SOAT2: variants seen among roughly 807,000 people sequenced by gnomAD.
SOAT2 encodes sterol O-acyltransferase 2, also known as ACAT-2.
SOAT2 carries 87 observed loss-of-function variants against 76.0 expected under a neutral mutation model. The observed-to-expected ratio is 1.14, with a 90% CI of 0.96 to 1.37. The LOEUF (loss-of-function observed/expected upper bound fraction) is 1.37, where lower values mean the gene tolerates loss of function less well. Ranked by LOEUF, SOAT2 falls within the 40% of genes most tolerant of loss-of-function variation. The pLI is 0.00. For missense variants in SOAT2, 686 were observed against 682.1 expected, an observed-to-expected ratio of 1.01 and a Z score of -0.06; for synonymous variants, 285 against 275.4, an observed-to-expected ratio of 1.03 and a Z score of -0.34.
Position 53,115,409 on chromosome 12 carries a change from C to T in SOAT2, c.463C>T (p.Leu155=). 6.2e-7 allele frequency: 1 copy of T among 1,608,956 alleles called. No individual in the cohort carries two copies. Among genetic ancestry groups the T allele is most frequent in the Non-Finnish European group, 8.5e-7 (1 of 1,177,836 alleles). ...DEGRLLLEFD[L]LIFSFGQLPL... is the part of the protein sequence containing the mutation. ...TCCAAGGCTGCTGCTGGAGTTTGAC[C>T]TACTGATCTTCAGCTTCGGACAGCT... Residue 155 remains leucine, a synonymous_variant, in exon 6 of 15, where the codon CTA becomes TTA. Coordinates refer to ENST00000301466, the MANE Select transcript of SOAT2 (RefSeq NM_003578.4).
intron 5 of SOAT2, among the ~76,000 whole-genome samples, chr12:53,112,284 C>A (rs182987693): frequency 3.2e-4 from 49 of 152,172 alleles, no homozygotes; most frequent in African/African-American, 1.2e-3. Context: ...TGGTGGCTCA[C>A]GCCTGTAATC....
chr12:53,105,700 C>T (rs1937924100), intron 4 of SOAT2, 80 bp downstream of exon 4: 7 of 1,289,472 alleles, frequency 5.4e-6, no homozygotes, highest in Non-Finnish European at 5.3e-6. Flanking sequence ...TTCTCATCCC[C>T]AGCCTCTAGG....
intron 6 of SOAT2, among the ~76,000 whole-genome samples, chr12:53,115,874 G>A (rs373713472): frequency 4.6e-5 from 7 of 152,238 alleles, no homozygotes; most frequent in African/African-American, 1.4e-4. Context: ...CATCACAGGA[G>A]GTTGACCGGA....
chr12:53,120,221 GCACTT>G (rs1478025084), intron 10 of SOAT2, among the ~76,000 whole-genome samples: 3 of 152,080 alleles, frequency 2.0e-5, no homozygotes, highest in African/African-American at 7.2e-5. Context: ...TGTAATCCCA[GCACTT>G]TGGGAGGCTA....
rs1437059887 is a variant in SOAT2 at position 53,124,532 on chromosome 12, T to G, written c.*409T>G. 7.2e-6 allele frequency: 1 copy of G among 138,700 alleles called. No individual in the cohort carries two copies. Among genetic ancestry groups the G allele is most frequent in the Non-Finnish European group, 1.4e-5 (1 of 72,526 alleles). The allele number at this position is 138,700 out of a possible 1,614,324, so 8.6% of individuals were successfully genotyped here. On this transcript the variant is annotated 3_prime_UTR_variant, in exon 15 of 15. Transcript: ENST00000301466. ...GCAATAAACTTTGTCTCCCTTTTTA[T>G]TCATTCATTCATTCATTCATTCATT...
chr12:53,120,957 C>G, intron 11 of SOAT2, 74 bp downstream of exon 11: 4 of 1,139,478 alleles, frequency 3.5e-6, no homozygotes, highest in Non-Finnish European at 5.3e-6. Context: ...AAGATGGTAG[C>G]CAGGTTGGGT....
intron 5 of SOAT2, among the ~76,000 whole-genome samples, chr12:53,111,442 C>A (rs1938011539): frequency 6.6e-6 from 1 of 152,158 alleles, no homozygotes. Flanking sequence ...TGATAACAGT[C>A]CTTTCCCAGA....
At position 53,120,807 on chromosome 12, in the gene SOAT2, T is replaced by C. The variant is rs922574680; in HGVS notation, c.1061T>C (p.Ile354Thr). The C allele has an allele frequency of 1.1e-5, 18 of 1,613,878 alleles. No individual in the cohort carries two copies. The highest frequency in any genetic ancestry group is 1.5e-5 in the Non-Finnish European group (18 of 1,179,930). The change falls in exon 11 of 15, where the codon ATC becomes ACC. Residue 354 changes from isoleucine (I) to threonine (T), a missense_variant. Ile to Thr is a moderately conservative substitution (Grantham distance 89). Transcript: ENST00000301466. ...TLPGIFMLLL[I>T]FFAFLHCWLN... The stretch of plus-strand genomic sequence containing the variant: ...CCAGGCATCTTCATGCTGCTGCTCA[T>C]CTTCTTTGCCTTCCTCCATTGCTGG...
Position 53,120,812 on chromosome 12 carries a change from T to G in SOAT2, c.1066T>G (p.Phe356Val). 1.9e-6 allele frequency: 3 copies of G among 1,614,004 alleles called. No homozygotes were observed. Among genetic ancestry groups the G allele is most frequent in the Non-Finnish European group, 8.5e-7 (1 of 1,179,930 alleles). The change falls in exon 11 of 15, where the codon TTT becomes GTT. Residue 356 changes from phenylalanine to valine, a missense_variant. Coordinates refer to ENST00000301466, the MANE Select transcript of SOAT2 (RefSeq NM_003578.4). ...PGIFMLLLIF[F>V]AFLHCWLNAF... ...CATCTTCATGCTGCTGCTCATCTTC[T>G]TTGCCTTCCTCCATTGCTGGCTCAA...
In SOAT2 at chr12:53,105,102, C is replaced by G; in HGVS notation, c.139-5C>G. Reference sequence around the variant, plus strand: ...AGTGGGCTCTACCCTGGCTTTGTCCCGTAGGCTGTGAAGGCACAATTGCTG... The same window carrying G: ...AGTGGGCTCTACCCTGGCTTTGTCCGGTAGGCTGTGAAGGCACAATTGCTG... On this transcript the variant is annotated splice_polypyrimidine_tract_variant and splice_region_variant and intron_variant, in intron 2 of 14. Coordinates refer to ENST00000301466, the MANE Select transcript of SOAT2 (RefSeq NM_003578.4). 2 of 1,555,308 alleles carry G rather than the reference C, an allele frequency of 1.3e-6. No individual in the cohort carries two copies. Among genetic ancestry groups the G allele is most frequent in the South Asian group, 1.2e-5 (1 of 84,266 alleles).
At position 53,111,112 on chromosome 12, in the gene SOAT2, A is replaced by ATTTT. The variant is rs1015051525; in HGVS notation, c.444-4270_444-4267dup. Among the ~76,000 whole-genome samples the ATTTT allele has an allele frequency of 2.1e-5, 3 of 143,280 alleles. 1 individual carries two copies. The highest frequency in any genetic ancestry group is 1.5e-5 in the Non-Finnish European group (1 of 65,980). The allele number at this position is 143,280 out of a possible 152,430, so 94.0% of individuals were successfully genotyped here. A position where few individuals can be genotyped will look rare whatever the true frequency, so the allele number is the denominator to read the frequency against. On this transcript the variant is annotated intron_variant, in intron 5 of 14. Transcript: ENST00000301466. ...TTATTTATTTTAATCATTTGCCTACATTTTTTTTTTTGAGATGGAGTCTCA... is the reference window on the plus strand; with the variant it reads ...TTATTTATTTTAATCATTTGCCTACATTTTTTTTTTTTTTTGAGATGGAGTCTCA...
chr12:53,106,881 T>C (rs940036599), intron 5 of SOAT2, among the ~76,000 whole-genome samples: 5 of 152,230 alleles, frequency 3.3e-5, no homozygotes, highest in Admixed American at 3.3e-4. Flanking sequence ...GTCCAAGTGC[T>C]GGGGTGATTA....
In SOAT2 at chr12:53,105,070, G is replaced by A. The variant is rs1462738033; in HGVS notation, c.139-37G>A. 5 of 1,549,062 alleles carry A rather than the reference G, an allele frequency of 3.2e-6. No individual in the cohort carries two copies. In the South Asian group the frequency reaches 4.8e-5, roughly 15 times the overall value. On this transcript the variant is annotated intron_variant, in intron 2 of 14. Transcript: ENST00000301466. ...TGGTGAATGAAAGGATGGCTGACTGGAGGGACAGTGGGCTCTACCCTGGCT... is the reference window on the plus strand; with the variant it reads ...TGGTGAATGAAAGGATGGCTGACTGAAGGGACAGTGGGCTCTACCCTGGCT...
In SOAT2 at chr12:53,121,315, T is replaced by C. The variant is rs759898972; in HGVS notation, c.1150T>C (p.Ser384Pro). 30 of 1,613,876 alleles carry C rather than the reference T, an allele frequency of 1.9e-5. 1 individual carries two copies. In the South Asian group the frequency reaches 3.2e-4, roughly 17 times the overall value. The change falls in exon 12 of 15, where the codon TCA becomes CCA. Residue 384 changes from serine (S) to proline (P), a missense_variant. By Grantham distance (74) the Ser-to-Pro change is moderately conservative. Coordinates refer to ENST00000301466, the MANE Select transcript of SOAT2 (RefSeq NM_003578.4). ...CCACCTTCTCCAGGACTGGTGGAACTCAACGTCCTTCTCCAACTACTACCG... is the reference window on the plus strand; with the variant it reads ...CCACCTTCTCCAGGACTGGTGGAACCCAACGTCCTTCTCCAACTACTACCG... Reference protein sequence around the residue: ...DRMFYRDWWNSTSFSNYYRTW... With the variant: ...DRMFYRDWWNPTSFSNYYRTW...
At chr12:53,112,874 G>C (rs1285332308) in intron 5 of SOAT2, among the ~76,000 whole-genome samples, 1 of 149,140 alleles carries the variant, frequency 6.7e-6, no homozygotes, top group African/African-American at 2.5e-5. Flanking sequence ...TCTGCCTCCT[G>C]GGTTCAAGCA....
chr12:53,116,008 CCT>C, intron 6 of SOAT2, 87 bp from the exon 7 acceptor site: 1 of 1,134,342 alleles, frequency 8.8e-7, no homozygotes, highest in Non-Finnish European at 1.3e-6. Flanking sequence ...ACTCTGCCTG[CCT>C]CTCAGAGGTA....
chr12:53,109,767 G>T (rs113422292), intron 5 of SOAT2, among the ~76,000 whole-genome samples: 14,442 of 152,202 alleles, frequency 0.095, 847 homozygotes, highest in African/African-American at 0.15. Context: ...GGGATCATAG[G>T]TGTGAGCCAC....
rs762802717 is a variant in SOAT2, at chr12:53,118,933, C to T, written c.907C>T (p.Gln303Ter). ...GAATTATGTGGCCAAGAACTTTGCCCAGGTGAGAAGATAGGGTAGAAGGGT... is the reference window on the plus strand; with the variant it reads ...GAATTATGTGGCCAAGAACTTTGCCTAGGTGAGAAGATAGGGTAGAAGGGT... Reference protein sequence around the residue: ...RWNYVAKNFAQALGCVLYACF... With the variant: ...RWNYVAKNFA The change falls in exon 9 of 15, where the codon CAG (glutamine) becomes TAG (stop). Residue 303 changes from glutamine to a stop codon, truncating the protein, a stop_gained and splice_region_variant. Transcript: ENST00000301466. LOFTEE classifies it high-confidence loss of function. The T allele has an allele frequency of 3.6e-5, 58 of 1,614,078 alleles. No individual in the cohort carries two copies. Among genetic ancestry groups the T allele is most frequent in the Non-Finnish European group, 4.9e-5 (58 of 1,180,000 alleles).
intron 5 of SOAT2, among the ~76,000 whole-genome samples, chr12:53,107,266 A>T (rs1308201584): frequency 1.3e-5 from 2 of 152,026 alleles, no homozygotes; most frequent in Non-Finnish European, 2.9e-5. Flanking sequence ...CACCAAAAGC[A>T]GCAGTGGAGT....
Sources: gnomAD v4.1 joint callset for allele counts (sites outside exome capture counted in the v4.1 genomes callset) on GRCh38, gnomAD v4.1.1 for gene constraint, MANE v1.5 for transcripts, NCBI Gene and HGNC (gene_info 2026-07-23, HGNC 2026-07-21) for gene names.